The following CNTNAP4 variants were observed in gnomAD, a reference collection of about 807,000 sequenced individuals.
CNTNAP4 encodes the protein contactin-associated protein-like 4.
In CNTNAP4, 98 loss-of-function variants were observed where a neutral mutation model predicts 148.4. That is an observed-to-expected ratio of 0.66 (90% CI 0.56 to 0.78). The LOEUF is 0.78. Ranked by LOEUF, CNTNAP4 falls within the 30% of genes least tolerant of loss-of-function variation. The pLI is 0.00. For synonymous variants in CNTNAP4, 730 were observed against 565.1 expected, an observed-to-expected ratio of 1.29 and a Z score of -4.14; for missense variants, 1,935 against 1,565.6, an observed-to-expected ratio of 1.24 and a Z score of -3.98.
At chr16:76,494,874 A>T (rs1290712152) in intron 13 of CNTNAP4, 36 bp from the exon 14 acceptor site, 1 of 1,603,078 alleles carries the variant, frequency 6.2e-7, no homozygotes, top group Non-Finnish European at 8.5e-7. Flanking sequence ...GGTGGAACAT[A>T]AAACAGATGT....
chr16:76,400,974 C>T (rs1372906698), intron 3 of CNTNAP4, among the ~76,000 whole-genome samples: 10 of 152,028 alleles, frequency 6.6e-5, no homozygotes, highest in Non-Finnish European at 1.5e-4. Context: ...GATAACATGA[C>T]GTCTCCAGCA....
At chr16:76,460,773 A>AAAAATATATATATATAT in intron 8 of CNTNAP4, among the ~76,000 whole-genome samples, 1 of 57,326 alleles carries the variant, frequency 1.7e-5, no homozygotes, top group African/African-American at 6.4e-5. Context: ...AAAAAAAAAA[A>AAAAATATATATATATAT]ATATATATAT....
At position 76,277,618 on chromosome 16, in the gene CNTNAP4, T is replaced by C. The variant is rs377194471; in HGVS notation, c.-45T>C. 2.2e-5 allele frequency: 31 copies of C among 1,399,608 alleles called. No homozygotes were observed. In the African/African-American group the frequency reaches 4.2e-4, roughly 19 times the overall value. The allele number at this position is 1,399,608 out of a possible 1,614,324, so 86.7% of individuals were successfully genotyped here. ...TACTGAGAAGAGGACTGGAGCGCTC[T>C]GAGAGCCTCTCAAGATCTTTTGGGG... On this transcript the variant is annotated 5_prime_UTR_variant, in exon 1 of 24. Transcript: ENST00000611870.
chr16:76,479,598 A>G (rs1597679491), intron 12 of CNTNAP4, 60 bp downstream of exon 12: 4 of 1,538,026 alleles, frequency 2.6e-6, no homozygotes, highest in African/African-American at 2.8e-5. Flanking sequence ...AATAGGCAAA[A>G]TTAAAATGAA....
intron 3 of CNTNAP4, among the ~76,000 whole-genome samples, chr16:76,380,119 C>G (rs989721332): frequency 3.9e-5 from 6 of 152,064 alleles, no homozygotes; most frequent in Non-Finnish European, 7.3e-5. Context: ...TATTAGAGTT[C>G]AATTATGCTG....
At chr16:76,468,356 C>A (rs997034085) in intron 10 of CNTNAP4, among the ~76,000 whole-genome samples, 1 of 152,022 alleles carries the variant, frequency 6.6e-6, no homozygotes, top group African/African-American at 2.4e-5. Context: ...TGCCTGTAAT[C>A]CCAGCTACTC....
chr16:76,345,039 T>C (rs1253766426), intron 2 of CNTNAP4, among the ~76,000 whole-genome samples: 2 of 152,228 alleles, frequency 1.3e-5, no homozygotes, highest in South Asian at 2.1e-4. Context: ...TTTATTGATA[T>C]ACACTATGAC....
intron 12 of CNTNAP4, among the ~76,000 whole-genome samples, chr16:76,488,296 G>A (rs1314651907): frequency 2.0e-5 from 3 of 152,246 alleles, no homozygotes; most frequent in Non-Finnish European, 2.9e-5. Flanking sequence ...CTGGCCACCC[G>A]TAATTTCATT....
intron 12 of CNTNAP4, among the ~76,000 whole-genome samples, chr16:76,480,965 T>C (rs538306134): frequency 4.6e-5 from 7 of 152,218 alleles, no homozygotes; most frequent in African/African-American, 1.7e-4. Flanking sequence ...AGAACAAATT[T>C]GAAGGATTCA....
intron 3 of CNTNAP4, among the ~76,000 whole-genome samples, chr16:76,413,926 TTTATC>T (rs1433082053): frequency 1.3e-5 from 2 of 151,224 alleles, no homozygotes; most frequent in Non-Finnish European, 3.0e-5. Flanking sequence ...TATATAGACT[TTTATC>T]TAACAGACTT....
intron 15 of CNTNAP4, among the ~76,000 whole-genome samples, chr16:76,515,272 G>A (rs896807147): frequency 2.0e-5 from 3 of 152,140 alleles, no homozygotes; most frequent in African/African-American, 4.8e-5. Flanking sequence ...TGGGTGTTAC[G>A]TACTAAATTG....
chr16:76,487,451 T>C (rs949676831), intron 12 of CNTNAP4, among the ~76,000 whole-genome samples: 8 of 152,232 alleles, frequency 5.3e-5, no homozygotes, highest in Admixed American at 3.3e-4. Flanking sequence ...ATGAAGTGCA[T>C]GTCTTTTACC....
At chr16:76,392,423 A>T (rs1479461761) in intron 3 of CNTNAP4, among the ~76,000 whole-genome samples, 1 of 152,242 alleles carries the variant, frequency 6.6e-6, no homozygotes, top group Non-Finnish European at 1.5e-5. Flanking sequence ...AGTATCTAGC[A>T]TGAGTCCTAA....
Position 76,470,998 on chromosome 16 carries a change from ACT to A in CNTNAP4, c.1655+3477_1655+3478del, listed in dbSNP as rs550588409. Among the ~76,000 whole-genome samples the A allele has an allele frequency of 3.3e-3, 503 of 152,094 alleles. 2 individuals carry two copies. The Middle Eastern group carries it at 0.038, about 11-fold the overall frequency. ...CACATATTAATCCTTACTCATGCACACTCACACACAACCATCCTTTTACACTT... is the reference window on the plus strand; with the variant it reads ...CACATATTAATCCTTACTCATGCACACACACACAACCATCCTTTTACACTT... On this transcript the variant is annotated intron_variant, in intron 10 of 23. Transcript: ENST00000611870.
At chr16:76,552,213 A>G (rs1435953928) in intron 21 of CNTNAP4, among the ~76,000 whole-genome samples, 1 of 152,186 alleles carries the variant, frequency 6.6e-6, no homozygotes, top group Non-Finnish European at 1.5e-5. Context: ...CACTATCACA[A>G]TAACAGCATG....
intron 1 of CNTNAP4, among the ~76,000 whole-genome samples, chr16:76,295,397 C>A (rs1379773793): frequency 6.6e-6 from 1 of 152,110 alleles, no homozygotes; most frequent in East Asian, 1.9e-4. Flanking sequence ...CATTTTATTA[C>A]TATAAGTGTT....
chr16:76,383,371 C>A (rs1597379968), intron 3 of CNTNAP4, among the ~76,000 whole-genome samples: 1 of 140,878 alleles, frequency 7.1e-6, no homozygotes, highest in Non-Finnish European at 1.5e-5. Context: ...TTCTAACTAC[C>A]AGTTTATAAT....
At position 76,558,583 on chromosome 16, in the gene CNTNAP4, C is replaced by T; in HGVS notation, c.3827C>T (p.Ala1276Val). The T allele has an allele frequency of 1.2e-6, 2 of 1,612,328 alleles. No individual in the cohort carries two copies. The highest frequency in any genetic ancestry group is 1.7e-6 in the Non-Finnish European group (2 of 1,178,652). Residue 1276 changes from alanine to valine, a missense_variant, in exon 24 of 24, where the codon GCA (alanine) becomes GTA (valine). Physicochemically the swap from Ala to Val is moderately conservative, Grantham distance 64 (BLOSUM62 0). Transcript: ENST00000611870. ...QQKRLYKRSE[A>V]KRSENVDSAE... ...AAAAGGTTATATAAAAGAAGTGAGG[C>T]AAAAAGGTCAGAGAATGTAGACAGT... is the stretch of plus-strand genomic sequence containing the variant.
At chr16:76,370,018 C>A (rs370472350) in intron 3 of CNTNAP4, among the ~76,000 whole-genome samples, 272 of 152,302 alleles carry the variant, frequency 1.8e-3, no homozygotes, top group African/African-American at 6.3e-3. Flanking sequence ...CACAGACATA[C>A]TCAGAAATAA....
Sources: gnomAD v4.1 joint callset for allele counts (sites outside exome capture counted in the v4.1 genomes callset) on GRCh38, gnomAD v4.1.1 for gene constraint, MANE v1.5 for transcripts, NCBI Gene and HGNC (gene_info 2026-07-23, HGNC 2026-07-21) for gene names.